CIB4: variants seen among roughly 807,000 people sequenced by gnomAD.
CIB4 encodes the protein calcium and integrin binding family member 4.
A neutral mutation model predicts 25.8 loss-of-function variants in CIB4; 25 were observed. That is an observed-to-expected ratio of 0.97 (90% CI 0.71 to 1.35). The LOEUF (loss-of-function observed/expected upper bound fraction) is 1.35, where lower values mean the gene tolerates loss of function less well. Among genes scored for constraint, CIB4 ranks in the 40% most tolerant of loss-of-function variants. The probability of loss-of-function intolerance (pLI) is 0.00; values close to 1 mark genes in which losing one functional copy is unlikely to be tolerated. For synonymous variants in CIB4, 75 were observed against 81.4 expected, an observed-to-expected ratio of 0.92 and a Z score of 0.42; for missense variants, 235 against 228.2, an observed-to-expected ratio of 1.03 and a Z score of -0.19.
chr2:26,633,504 C>A (rs1669473612), intron 2 of CIB4, among the ~76,000 whole-genome samples: 1 of 152,148 alleles, frequency 6.6e-6, no homozygotes, highest in Non-Finnish European at 1.5e-5. Flanking sequence ...TCGAGTCACC[C>A]CCCTGGAAAG....
intron 3 of CIB4, among the ~76,000 whole-genome samples, chr2:26,608,328 C>T (rs1034656910): frequency 7.2e-5 from 11 of 151,952 alleles, no homozygotes; most frequent in African/African-American, 2.2e-4. Flanking sequence ...CATTTCACCT[C>T]GCTCTGCAAT....
intron 4 of CIB4, among the ~76,000 whole-genome samples, chr2:26,586,825 C>T (rs1334453147): frequency 6.6e-6 from 1 of 152,144 alleles, no homozygotes. Context: ...CTAGATGTGC[C>T]CATGTGACCA....
At chr2:26,596,238 T>C (rs1412678574) in intron 3 of CIB4, among the ~76,000 whole-genome samples, 1 of 152,066 alleles carries the variant, frequency 6.6e-6, no homozygotes, top group Non-Finnish European at 1.5e-5. Flanking sequence ...AAAAACACCA[T>C]TGCTGGGGAA....
chr2:26,635,164 T>C (rs1427311202), intron 2 of CIB4, among the ~76,000 whole-genome samples: 3 of 152,214 alleles, frequency 2.0e-5, no homozygotes, highest in Non-Finnish European at 2.9e-5. Context: ...TTGCTTTTGC[T>C]GAGATCAAAA....
rs551882018 is a variant in CIB4, at chr2:26,629,680, C to T, written c.90-174G>A. The stretch of plus-strand genomic sequence containing the variant: ...AAGGCAGTAATCAATAATAATAAAG[C>T]GCAGTAATAAATATGTCTTCTAGAA... On this transcript the variant is annotated intron_variant, in intron 2 of 6. Coordinates refer to ENST00000288861, the MANE Select transcript of CIB4 (RefSeq NM_001029881.3). Among the ~76,000 whole-genome samples the T allele has an allele frequency of 9.2e-5, 14 of 152,236 alleles. No individual in the cohort carries two copies. In the South Asian group the frequency reaches 2.1e-3, roughly 23 times the overall value.
chr2:26,587,989 C>G (rs558041128), intron 4 of CIB4, among the ~76,000 whole-genome samples: 16 of 152,384 alleles, frequency 1.0e-4, no homozygotes, highest in African/African-American at 3.4e-4. Context: ...AAGTTCCCCT[C>G]ACTCCTCCAG....
rs150855542 is a variant in CIB4 at position 26,589,762 on chromosome 2, G to A, written c.328+5414C>T. On this transcript the variant is annotated intron_variant, in intron 4 of 6. Transcript: ENST00000288861. ...CTCCTTTGCAGCTATGGGTAGCCAG[G>A]TGACATAGTTCTAGCCAATGAAATA... Among the ~76,000 whole-genome samples, 81 of 152,308 alleles carry A rather than the reference G, an allele frequency of 5.3e-4. No homozygotes were observed. The East Asian group carries it at 0.015, about 28-fold the overall frequency.
chr2:26,629,409 C>T lies in CIB4; in HGVS notation c.186+1G>A, dbSNP rs1281342815. On this transcript the variant is annotated splice_donor_variant, in intron 3 of 6. Coordinates refer to ENST00000288861, the MANE Select transcript of CIB4 (RefSeq NM_001029881.3). LOFTEE classifies it high-confidence loss of function. ...TGCCCCACCCACCATCCTGGACTCA[C>T]CCGCAGAGCTGGCAGGGAGCTGACC... The T allele has an allele frequency of 1.3e-6, 2 of 1,569,338 alleles. No homozygotes were observed. Among genetic ancestry groups the T allele is most frequent in the East Asian group, 2.3e-5 (1 of 43,234 alleles).
At chr2:26,610,933 C>T (rs571592003) in intron 3 of CIB4, among the ~76,000 whole-genome samples, 3 of 147,208 alleles carry the variant, frequency 2.0e-5, no homozygotes, top group Admixed American at 6.9e-5. Flanking sequence ...TCCAGGAAAA[C>T]GCTGCATTGC....
At chr2:26,640,503 G>A (rs373276989) in intron 2 of CIB4, 30 bp downstream of exon 2, 4 of 1,610,994 alleles carry the variant, frequency 2.5e-6, no homozygotes, top group African/African-American at 2.7e-5. Context: ...GGAGCTGGGA[G>A]AAGGAAAGAG....
intron 3 of CIB4, among the ~76,000 whole-genome samples, chr2:26,601,742 A>G (rs1668796038): frequency 1.3e-5 from 2 of 152,204 alleles, no homozygotes; most frequent in Non-Finnish European, 2.9e-5. Context: ...CATAATAATC[A>G]CTAGGTACTT....
chr2:26,631,387 T>A (rs1669417703), intron 2 of CIB4, among the ~76,000 whole-genome samples: 1 of 152,110 alleles, frequency 6.6e-6, no homozygotes, highest in Non-Finnish European at 1.5e-5. Context: ...AGTGGGAGGA[T>A]CACTGGATCC....
chr2:26,615,043 G>C (rs578132840), intron 3 of CIB4, among the ~76,000 whole-genome samples: 1 of 152,262 alleles, frequency 6.6e-6, no homozygotes, highest in East Asian at 1.9e-4. Flanking sequence ...AGGAGAGTTG[G>C]CCCTGCAGTT....
intron 3 of CIB4, among the ~76,000 whole-genome samples, chr2:26,606,848 G>T (rs114516026): frequency 3.3e-5 from 5 of 152,210 alleles, no homozygotes; most frequent in African/African-American, 1.2e-4. Flanking sequence ...CTGTCTCCTA[G>T]TGACAGATGG....
intron 3 of CIB4, among the ~76,000 whole-genome samples, chr2:26,599,996 C>T (rs1254647972): frequency 2.1e-5 from 3 of 143,226 alleles, no homozygotes; most frequent in Non-Finnish European, 3.0e-5. Flanking sequence ...TCGTTTGAAC[C>T]CAGGAGGCAG....
chr2:26,633,071 T>C (rs1669454546), intron 2 of CIB4, among the ~76,000 whole-genome samples: 1 of 152,186 alleles, frequency 6.6e-6, no homozygotes, highest in Non-Finnish European at 1.5e-5. Flanking sequence ...GAAGGGACCA[T>C]TGTTTCTTTT....
intron 4 of CIB4, among the ~76,000 whole-genome samples, chr2:26,592,971 CA>C (rs1476730344): frequency 6.6e-6 from 1 of 152,164 alleles, no homozygotes; most frequent in Non-Finnish European, 1.5e-5. Context: ...GTGTCTCTGT[CA>C]GGGTGTTTCC....
rs563642172 is a variant in CIB4 at position 26,627,868 on chromosome 2, G to T, written c.186+1542C>A. On this transcript the variant is annotated intron_variant, in intron 3 of 6. Coordinates refer to ENST00000288861, the MANE Select transcript of CIB4 (RefSeq NM_001029881.3). This position sits in a 1 kb window ranked among gnomAD's most constrained non-coding sequence, Gnocchi z 4.0. ...TCTGTCTCTGTCTGCCCTACAGATA[G>T]GCCTGTCACTTAGGAGGGGCCGTGC... 2.6e-5 allele frequency among the ~76,000 whole-genome samples: 4 copies of T among 151,446 alleles called. No homozygotes were observed. The highest frequency in any genetic ancestry group is 6.6e-5 in the Admixed American group (1 of 15,180).
intron 3 of CIB4, among the ~76,000 whole-genome samples, chr2:26,600,207 C>T (rs1668756306): frequency 6.8e-6 from 1 of 147,242 alleles, no homozygotes; most frequent in Non-Finnish European, 1.5e-5. Flanking sequence ...GAGTTCAAGA[C>T]CAGACTGGTC....
Sources: allele counts gnomAD v4.1 joint callset (sites outside exome capture counted in the v4.1 genomes callset), GRCh38; gene constraint gnomAD v4.1.1; non-coding constraint Gnocchi (gnomAD v3.1); transcripts MANE v1.5; gene names NCBI Gene and HGNC (gene_info 2026-07-23, HGNC 2026-07-21).